Variants in PTPRT observed in about 807,000 individuals in gnomAD.
The protein encoded by PTPRT is protein tyrosine phosphatase receptor type T.
In PTPRT, 56 loss-of-function variants were observed where a neutral mutation model predicts 176.8. The observed-to-expected ratio is 0.32, with a 90% CI of 0.26 to 0.40. PTPRT has a LOEUF of 0.40. PTPRT is among the 10% of genes least tolerant of loss of function. The probability of loss-of-function intolerance (pLI) is 1.00; values close to 1 mark genes in which losing one functional copy is unlikely to be tolerated. For synonymous variants in PTPRT, 783 were observed against 739.0 expected, an observed-to-expected ratio of 1.06 and a Z score of -0.96; for missense variants, 1,540 against 1,908.2, an observed-to-expected ratio of 0.81 and a Z score of 3.60.
chr20:42,863,573 C>G (rs1189731238), intron 2 of PTPRT, among the ~76,000 whole-genome samples: 1 of 152,164 alleles, frequency 6.6e-6, no homozygotes, highest in Non-Finnish European at 1.5e-5. Context: ...GAACAAGATC[C>G]AACCCTAAAA....
At chr20:42,386,645 G>A (rs1178762972) in intron 9 of PTPRT, among the ~76,000 whole-genome samples, 2 of 152,098 alleles carry the variant, frequency 1.3e-5, no homozygotes, top group African/African-American at 4.8e-5. Flanking sequence ...GGTGGATCAC[G>A]AGGTCGTGAG....
chr20:42,972,490 C>T (rs527706844), intron 1 of PTPRT, among the ~76,000 whole-genome samples: 2 of 151,228 alleles, frequency 1.3e-5, no homozygotes, highest in East Asian at 2.0e-4. Context: ...GATGAAACCC[C>T]GTCTCTACCA....
rs148786172 is a variant in PTPRT at position 42,948,048 on chromosome 20, T to A, written c.89-62116A>T. ...CTTGACTTCTGCAAGGTATTTCCAA[T>A]GCTGACCACTCTCTCCCTCTTCGTA... On this transcript the variant is annotated intron_variant, in intron 1 of 30. Transcript: ENST00000373187. 7.7e-4 allele frequency among the ~76,000 whole-genome samples: 117 copies of A among 152,336 alleles called. 1 individual carries two copies. The highest frequency in any genetic ancestry group is 2.7e-3 in the African/African-American group (111 of 41,572).
intron 1 of PTPRT, among the ~76,000 whole-genome samples, chr20:43,099,717 G>A (rs1436821086): frequency 1.3e-5 from 2 of 152,140 alleles, no homozygotes; most frequent in Admixed American, 6.5e-5. Flanking sequence ...AATCCTGCCA[G>A]TCTTTCAGGC....
chr20:42,146,800 A>T (rs532949833), intron 17 of PTPRT, among the ~76,000 whole-genome samples: 1 of 152,308 alleles, frequency 6.6e-6, no homozygotes, highest in South Asian at 2.1e-4. Flanking sequence ...CAACATCCTT[A>T]ATGACTTCAC....
intron 13 of PTPRT, among the ~76,000 whole-genome samples, chr20:42,265,434 A>T (rs1275547897): frequency 6.6e-6 from 1 of 152,214 alleles, no homozygotes; most frequent in Admixed American, 6.5e-5. Context: ...TGAGTTAATG[A>T]TGTGAAACTC....
chr20:42,152,398 T>C (rs1045486840), intron 17 of PTPRT, among the ~76,000 whole-genome samples: 28 of 152,354 alleles, frequency 1.8e-4, no homozygotes, highest in African/African-American at 6.7e-4. Context: ...GACAGTAATT[T>C]ATGAGTTCTG....
At chr20:42,563,120 A>C (rs1036027499) in intron 7 of PTPRT, among the ~76,000 whole-genome samples, 2 of 152,120 alleles carry the variant, frequency 1.3e-5, no homozygotes, top group African/African-American at 4.8e-5. Context: ...AAACTAAATA[A>C]ATTTATTTAG....
chr20:43,018,131 A>T (rs1985462359), intron 1 of PTPRT, among the ~76,000 whole-genome samples: 1 of 152,206 alleles, frequency 6.6e-6, no homozygotes, highest in African/African-American at 2.4e-5. Context: ...AGCTTGATTC[A>T]AACTTAGAAC....
At chr20:42,800,364 T>C (rs1015109168) in intron 2 of PTPRT, among the ~76,000 whole-genome samples, 1 of 152,158 alleles carries the variant, frequency 6.6e-6, no homozygotes, top group East Asian at 1.9e-4. Flanking sequence ...AGCTGGTTCA[T>C]GCAGGAAGAG....
At chr20:43,087,209 G>A (rs2011632124) in intron 1 of PTPRT, among the ~76,000 whole-genome samples, 1 of 152,014 alleles carries the variant, frequency 6.6e-6, no homozygotes, top group Admixed American at 6.5e-5. Context: ...ACAGTCTGTA[G>A]CTTTTGACTC....
intron 16 of PTPRT, among the ~76,000 whole-genome samples, chr20:42,197,328 G>C (rs1178775054): frequency 3.1e-5 from 4 of 127,272 alleles, no homozygotes; most frequent in Non-Finnish European, 6.2e-5. Context: ...GCAGTGAGCA[G>C]AGATCGCACC....
rs774827740 is a variant in PTPRT at position 42,495,144 on chromosome 20, G to A, written c.1154-22582C>T. On this transcript the variant is annotated intron_variant, in intron 7 of 30. Coordinates refer to ENST00000373187, the MANE Select transcript of PTPRT (RefSeq NM_007050.6). ...GAACTTAAAGATCATCAGGCCTAAC[G>A]TCCCCACTTATAGATGAAAACAGTG... Among the ~76,000 whole-genome samples, 9 of 152,206 alleles carry A rather than the reference G, an allele frequency of 5.9e-5. No individual in the cohort carries two copies. The East Asian group carries it at 9.7e-4, about 16-fold the overall frequency.
At chr20:43,155,331 G>A (rs2014486115) in intron 1 of PTPRT, among the ~76,000 whole-genome samples, 1 of 152,180 alleles carries the variant, frequency 6.6e-6, no homozygotes, top group South Asian at 2.1e-4. Context: ...ATACACAATG[G>A]AATACCATTC....
chr20:42,912,309 G>A (rs1426305395), intron 1 of PTPRT, among the ~76,000 whole-genome samples: 1 of 152,122 alleles, frequency 6.6e-6, no homozygotes, highest in Non-Finnish European at 1.5e-5. Context: ...TGAATATTAG[G>A]TGAGGTTGAA....
chr20:43,072,947 C>G (rs1230489741), intron 1 of PTPRT, among the ~76,000 whole-genome samples: 1 of 152,118 alleles, frequency 6.6e-6, no homozygotes, highest in African/African-American at 2.4e-5. Flanking sequence ...CAGGTGTGGT[C>G]CTTTACCATA....
intron 1 of PTPRT, among the ~76,000 whole-genome samples, chr20:42,995,536 A>C (rs1984174341): frequency 6.6e-6 from 1 of 152,148 alleles, no homozygotes; most frequent in Admixed American, 6.5e-5. Context: ...CCTTGGGCCC[A>C]ATGTGCCATC....
chr20:42,692,065 C>T (rs1459593350), intron 6 of PTPRT, among the ~76,000 whole-genome samples: 1 of 152,206 alleles, frequency 6.6e-6, no homozygotes, highest in Non-Finnish European at 1.5e-5. Flanking sequence ...GCTAGAACAT[C>T]TTGGAACAAA....
At chr20:42,115,105 C>CCAA in intron 22 of PTPRT, 94 bp downstream of exon 22, 1 of 896,608 alleles carries the variant, frequency 1.1e-6, no homozygotes, top group South Asian at 1.4e-5. Flanking sequence ...TGGGGCTGGA[C>CCAA]GTAGAGCAGA....
Sources: allele counts gnomAD v4.1 joint callset (sites outside exome capture counted in the v4.1 genomes callset), GRCh38; gene constraint gnomAD v4.1.1; transcripts MANE v1.5; gene names NCBI Gene and HGNC (gene_info 2026-07-23, HGNC 2026-07-21).